The following SLCO5A1 variants were observed in gnomAD, a reference collection of about 807,000 sequenced individuals.
SLCO5A1 encodes the protein solute carrier organic anion transporter family member 5A1.
In SLCO5A1, 39 loss-of-function variants were observed where a neutral mutation model predicts 65.1. The observed-to-expected ratio is 0.60, with a 90% confidence interval of 0.46 to 0.78. The LOEUF (loss-of-function observed/expected upper bound fraction) is 0.78, where lower values mean the gene tolerates loss of function less well. Among genes scored for constraint, SLCO5A1 ranks in the 30% least tolerant of loss-of-function variants. The probability of loss-of-function intolerance (pLI) is 0.00; values close to 1 mark genes in which losing one functional copy is unlikely to be tolerated. For missense variants in SLCO5A1, 1,029 were observed against 1,069.4 expected (o/e 0.96, Z 0.53); for synonymous variants, 438 against 415.7 (o/e 1.05, Z -0.65).
At chr8:69,694,379 C>G (rs1563666302) in intron 6 of SLCO5A1, among the ~76,000 whole-genome samples, 4 of 152,332 alleles carry the variant, frequency 2.6e-5, no homozygotes, top group East Asian at 1.9e-4. Context: ...GCCAATCACA[C>G]TGAACCAAAC....
At chr8:69,716,380 T>C (rs1378035325) in intron 5 of SLCO5A1, among the ~76,000 whole-genome samples, 1 of 152,254 alleles carries the variant, frequency 6.6e-6, no homozygotes, top group Non-Finnish European at 1.5e-5. Context: ...GTTAACTCTG[T>C]GTTTGAGGAA....
chr8:69,799,720 T>C (rs1819655914), intron 2 of SLCO5A1, among the ~76,000 whole-genome samples: 1 of 152,182 alleles, frequency 6.6e-6, no homozygotes, highest in Non-Finnish European at 1.5e-5. Context: ...AGAGAGGTAC[T>C]GAGCAAAAGG....
Position 69,672,579 on chromosome 8 carries a change from G to A in SLCO5A1, c.*290C>T, listed in dbSNP as rs1294975044. The stretch of plus-strand genomic sequence containing the variant: ...TCCCCTTCCCATGGTTTTGCTAACC[G>A]TGTACCTCAGCCTGTACCGTAGGGG... On this transcript the variant is annotated 3_prime_UTR_variant, in exon 10 of 10. Coordinates refer to ENST00000260126, the MANE Select transcript of SLCO5A1 (RefSeq NM_030958.3). 1.1e-5 allele frequency: 4 copies of A among 354,868 alleles called. No individual in the cohort carries two copies. Among genetic ancestry groups the A allele is most frequent in the South Asian group, 6.1e-5 (1 of 16,414 alleles). 22.0% of individuals were successfully genotyped at this position (354,868 alleles called of 1,614,324 possible). A position where few individuals can be genotyped will look rare whatever the true frequency, so the allele number is the denominator to read the frequency against.
In SLCO5A1 at chr8:69,695,877, T is replaced by C. The variant is rs1814476626; in HGVS notation, c.1622+9154A>G. Among the ~76,000 whole-genome samples the C allele has an allele frequency of 3.3e-5, 5 of 152,196 alleles. No homozygotes were observed. The South Asian group carries it at 1.0e-3, about 31-fold the overall frequency. Reference sequence around the variant, plus strand: ...TTCACCTGTAACTAATATGGGCTACTAGGTTGTCTGCTAAGAAAAACAAGA... The same window carrying C: ...TTCACCTGTAACTAATATGGGCTACCAGGTTGTCTGCTAAGAAAAACAAGA... On this transcript the variant is annotated intron_variant, in intron 6 of 9. Transcript: ENST00000260126.
chr8:69,702,504 TACAC>T (rs71257200), intron 6 of SLCO5A1, among the ~76,000 whole-genome samples: 16,869 of 148,936 alleles, frequency 0.11, 1,165 homozygotes, highest in Non-Finnish European at 0.16. Flanking sequence ...ACACACATCT[TACAC>T]ACACACACAC....
chr8:69,727,469 A>G (rs530893288), intron 5 of SLCO5A1, among the ~76,000 whole-genome samples: 11 of 152,292 alleles, frequency 7.2e-5, no homozygotes, highest in Non-Finnish European at 7.4e-5. Flanking sequence ...TATAATATGG[A>G]CCTATAATGG....
intron 2 of SLCO5A1, among the ~76,000 whole-genome samples, chr8:69,789,094 C>T (rs992616858): frequency 2.0e-5 from 3 of 152,112 alleles, no homozygotes; most frequent in South Asian, 4.1e-4. Context: ...GTGTGTTCAT[C>T]CCCCAAGAAA....
At chr8:69,729,552 T>A (rs1816243585) in intron 5 of SLCO5A1, among the ~76,000 whole-genome samples, 3 of 149,112 alleles carry the variant, frequency 2.0e-5, no homozygotes, top group African/African-American at 7.4e-5. Context: ...GGCCACTATA[T>A]AAATTTGCTA....
intron 5 of SLCO5A1, among the ~76,000 whole-genome samples, chr8:69,721,054 C>T (rs1400364826): frequency 2.0e-5 from 3 of 152,240 alleles, no homozygotes; most frequent in African/African-American, 4.8e-5. Flanking sequence ...ATTTCCCAGC[C>T]TCCCTTGCAA....
chr8:69,714,157 A>G (rs1413589473), intron 5 of SLCO5A1, among the ~76,000 whole-genome samples: 1 of 152,250 alleles, frequency 6.6e-6, no homozygotes, highest in African/African-American at 2.4e-5. Context: ...AAAAAATTTC[A>G]GCAATCCCTT....
chr8:69,802,406 G>A (rs748059783), intron 2 of SLCO5A1, among the ~76,000 whole-genome samples: 8 of 151,544 alleles, frequency 5.3e-5, no homozygotes, highest in East Asian at 1.9e-4. Flanking sequence ...CTCGGGAGGC[G>A]GAGGTGGGAG....
intron 4 of SLCO5A1, among the ~76,000 whole-genome samples, chr8:69,745,531 G>A (rs763489485): frequency 1.1e-4 from 17 of 152,062 alleles, no homozygotes; most frequent in Non-Finnish European, 2.5e-4. Flanking sequence ...ACCCCAAAAT[G>A]TACATTTCTA....
intron 2 of SLCO5A1, among the ~76,000 whole-genome samples, chr8:69,765,401 T>TAC (rs374857488): frequency 4.6e-3 from 688 of 149,716 alleles, no homozygotes; most frequent in African/African-American, 5.7e-3. Flanking sequence ...TATATATATA[T>TAC]ACACACACAC....
At chr8:69,824,876 C>T (rs1820804046) in intron 2 of SLCO5A1, among the ~76,000 whole-genome samples, 2 of 152,168 alleles carry the variant, frequency 1.3e-5, no homozygotes, top group African/African-American at 4.8e-5. Flanking sequence ...CAAAAATCCT[C>T]AATAAAATAC....
At chr8:69,681,182 C>T (rs915823442) in intron 7 of SLCO5A1, among the ~76,000 whole-genome samples, 3 of 152,206 alleles carry the variant, frequency 2.0e-5, no homozygotes, top group African/African-American at 7.2e-5. Flanking sequence ...CCAAAACATT[C>T]AGTGGATGGT....
At position 69,672,727 on chromosome 8, in the gene SLCO5A1, G is replaced by T; in HGVS notation, c.*142C>A. Reference sequence around the variant, plus strand: ...GGTATCCAGCCCTCAATGAATAGCGGCTGTGTATACTGAGTTTTGTTGGTT... The same window carrying T: ...GGTATCCAGCCCTCAATGAATAGCGTCTGTGTATACTGAGTTTTGTTGGTT... On this transcript the variant is annotated 3_prime_UTR_variant, in exon 10 of 10. Coordinates refer to ENST00000260126, the MANE Select transcript of SLCO5A1 (RefSeq NM_030958.3). The T allele has an allele frequency of 1.2e-6, 1 of 857,844 alleles. No individual in the cohort carries two copies. Among genetic ancestry groups the T allele is most frequent in the Non-Finnish European group, 1.7e-6 (1 of 573,548 alleles). The allele number at this position is 857,844 out of a possible 1,614,324, so 53.1% of individuals were successfully genotyped here.
intron 4 of SLCO5A1, among the ~76,000 whole-genome samples, chr8:69,745,017 T>C (rs947492875): frequency 2.0e-5 from 3 of 152,226 alleles, no homozygotes; most frequent in African/African-American, 7.2e-5. Context: ...AATATTGTCC[T>C]TTATCCAGCA....
At chr8:69,742,173 C>T (rs929855151) in intron 4 of SLCO5A1, among the ~76,000 whole-genome samples, 3 of 152,160 alleles carry the variant, frequency 2.0e-5, no homozygotes, top group Non-Finnish European at 4.4e-5. Flanking sequence ...CACTGGTGCC[C>T]TGTGCTATTT....
intron 6 of SLCO5A1, among the ~76,000 whole-genome samples, chr8:69,691,974 C>T (rs775643472): frequency 3.3e-5 from 5 of 152,298 alleles, no homozygotes; most frequent in African/African-American, 7.2e-5. Flanking sequence ...TAAGGCCGGA[C>T]GCGGTGGCTC....
Sources: allele counts gnomAD v4.1 joint callset (sites outside exome capture counted in the v4.1 genomes callset), GRCh38; gene constraint gnomAD v4.1.1; transcripts MANE v1.5; gene names NCBI Gene and HGNC (gene_info 2026-07-23, HGNC 2026-07-21).